The following FAT3 variants were observed in gnomAD, a reference collection of about 807,000 sequenced individuals.
FAT3 encodes the protein protocadherin Fat 3.
A neutral mutation model predicts 310.2 loss-of-function variants in FAT3; 95 were observed. The observed-to-expected ratio is 0.31, with a 90% confidence interval of 0.26 to 0.36. The LOEUF is 0.36. Among genes scored for constraint, FAT3 ranks in the 10% least tolerant of loss-of-function variants. The probability of loss-of-function intolerance (pLI) is 1.00; values close to 1 mark genes in which losing one functional copy is unlikely to be tolerated. For missense variants in FAT3, 5,408 were observed against 5,715.6 expected, an observed-to-expected ratio of 0.95 and a Z score of 1.74; for synonymous variants, 2,314 against 2,192.9, an observed-to-expected ratio of 1.06 and a Z score of -1.54.
At chr11:92,337,313 A>G (rs17596499) in intron 1 of FAT3, among the ~76,000 whole-genome samples, 11,333 of 152,212 alleles carry the variant, frequency 0.074, 593 homozygotes, top group African/African-American at 0.14. Context: ...TTTTTTGCCA[A>G]TTTTATCATT....
chr11:92,761,305 AG>A (rs1244127272), intron 4 of FAT3, among the ~76,000 whole-genome samples: 1 of 152,176 alleles, frequency 6.6e-6, no homozygotes, highest in Non-Finnish European at 1.5e-5. Context: ...CCTCTTTCGA[AG>A]GGCACTAATC....
At chr11:92,676,775 A>C in intron 3 of FAT3, among the ~76,000 whole-genome samples, 1 of 152,200 alleles carries the variant, frequency 6.6e-6, no homozygotes, top group East Asian at 1.9e-4. Context: ...GAGAGACTTT[A>C]ATTGCTGTTT....
intron 19 of FAT3, among the ~76,000 whole-genome samples, chr11:92,849,904 G>C (rs1412113493): frequency 6.6e-6 from 1 of 152,190 alleles, no homozygotes; most frequent in Non-Finnish European, 1.5e-5. Flanking sequence ...ATGACAGAGA[G>C]CTCAGTGGGG....
intron 1 of FAT3, among the ~76,000 whole-genome samples, chr11:92,291,623 G>T (rs1946699550): frequency 6.6e-6 from 1 of 150,886 alleles, no homozygotes. Flanking sequence ...GTATTCTAGT[G>T]GCCAAAAGTT....
chr11:92,844,747 G>A lies in FAT3; in HGVS notation c.11365+15G>A. 1 of 1,493,382 alleles carries A rather than the reference G, an allele frequency of 6.7e-7. No individual in the cohort carries two copies. The highest frequency in any genetic ancestry group is 9.0e-7 in the Non-Finnish European group (1 of 1,112,728). 92.5% of individuals were successfully genotyped at this position (1,493,382 alleles called of 1,614,324 possible). ...CACCTGCAATGGTGAGTGCAGTTTT[G>A]AGTGTTCCCTCTCAACTCCTGAGAT... On this transcript the variant is annotated intron_variant, in intron 19 of 27. Transcript: ENST00000525166.
intron 2 of FAT3, among the ~76,000 whole-genome samples, chr11:92,375,105 T>C (rs1761762508): frequency 6.6e-6 from 1 of 152,062 alleles, no homozygotes; most frequent in Non-Finnish European, 1.5e-5. Context: ...ATTTAATATA[T>C]ATCCTGTTAA....
chr11:92,350,320 T>A (rs1948529178), intron 1 of FAT3, among the ~76,000 whole-genome samples: 2 of 151,632 alleles, frequency 1.3e-5, no homozygotes, highest in African/African-American at 4.9e-5. Flanking sequence ...ACCATACAAT[T>A]TGTAATATTT....
chr11:92,477,297 C>T (rs1221664075), intron 2 of FAT3, among the ~76,000 whole-genome samples: 1 of 151,988 alleles, frequency 6.6e-6, no homozygotes, highest in Non-Finnish European at 1.5e-5. Flanking sequence ...TATTTTTGTC[C>T]ACGGCCTCCT....
chr11:92,486,186 T>A, intron 2 of FAT3, among the ~76,000 whole-genome samples: 1 of 144,582 alleles, frequency 6.9e-6, no homozygotes, highest in Admixed American at 7.0e-5. Context: ...TTTGCTTTAA[T>A]TTGCTCTCAG....
chr11:92,518,250 AT>A (rs1953555035), intron 2 of FAT3, among the ~76,000 whole-genome samples: 1 of 152,192 alleles, frequency 6.6e-6, no homozygotes, highest in Non-Finnish European at 1.5e-5. Context: ...AATAGCAAAG[AT>A]TTGCAACCAA....
intron 2 of FAT3, among the ~76,000 whole-genome samples, chr11:92,387,065 TGTGTGTGTG>T (rs955229415): frequency 1.8e-3 from 12 of 6,566 alleles, no homozygotes; most frequent in African/African-American, 5.8e-3. Flanking sequence ...TGGGAGCTAG[TGTGTGTGTG>T]TGTGTGTGTG....
At chr11:92,519,352 C>T (rs901968131) in intron 2 of FAT3, among the ~76,000 whole-genome samples, 5 of 152,122 alleles carry the variant, frequency 3.3e-5, no homozygotes, top group Non-Finnish European at 5.9e-5. Context: ...AAAAAATAAA[C>T]TTAGATCTAT....
At chr11:92,829,824 C>A (rs1033201909) in intron 13 of FAT3, among the ~76,000 whole-genome samples, 3 of 152,074 alleles carry the variant, frequency 2.0e-5, no homozygotes, top group African/African-American at 7.2e-5. Flanking sequence ...GGAATGGAAC[C>A]AAGAACAGGC....
At chr11:92,806,297 G>A (rs1355355273) in intron 11 of FAT3, 65 bp from the exon 12 acceptor site, 6 of 1,374,954 alleles carry the variant, frequency 4.4e-6, no homozygotes, top group Non-Finnish European at 6.0e-6. Context: ...CCTATATAAT[G>A]CTAAATATGG....
chr11:92,337,000 C>G (rs1229727479), intron 1 of FAT3, among the ~76,000 whole-genome samples: 1 of 152,160 alleles, frequency 6.6e-6, no homozygotes, highest in East Asian at 1.9e-4. Context: ...ATATACTCAG[C>G]CCTCAGAAGC....
intron 2 of FAT3, among the ~76,000 whole-genome samples, chr11:92,429,775 G>A (rs1298346718): frequency 2.6e-5 from 4 of 152,146 alleles, no homozygotes; most frequent in African/African-American, 7.2e-5. Flanking sequence ...CCCTTTGTGG[G>A]TAACCCAACC....
rs566691631 is a variant in FAT3, at chr11:92,716,192, G to A, written c.3669+18747G>A. 2.0e-5 allele frequency among the ~76,000 whole-genome samples: 3 copies of A among 152,232 alleles called. No individual in the cohort carries two copies. The South Asian group carries it at 6.2e-4, about 32-fold the overall frequency. ...AGATAAAAGATACCTGGATAAATGG[G>A]CAAAACTCAGTGATTGAATAGGAAG... On this transcript the variant is annotated intron_variant, in intron 4 of 27. Transcript: ENST00000525166.
chr11:92,335,570 G>A (rs1446279321), intron 1 of FAT3, among the ~76,000 whole-genome samples: 1 of 152,016 alleles, frequency 6.6e-6, no homozygotes, highest in African/African-American at 2.4e-5. Flanking sequence ...CCCTAAAGAA[G>A]GCTTATTTAG....
chr11:92,535,858 G>A (rs1954240072), intron 3 of FAT3, among the ~76,000 whole-genome samples: 1 of 152,000 alleles, frequency 6.6e-6, no homozygotes, highest in Non-Finnish European at 1.5e-5. Context: ...TCACGTAGAA[G>A]TTAATATTGA....
Sources: gnomAD v4.1 joint callset for allele counts (sites outside exome capture counted in the v4.1 genomes callset) on GRCh38, gnomAD v4.1.1 for gene constraint, MANE v1.5 for transcripts, NCBI Gene and HGNC (gene_info 2026-07-23, HGNC 2026-07-21) for gene names.